Variants in PPP1CA observed in about 807,000 individuals in gnomAD.
PPP1CA encodes the protein protein phosphatase 1 catalytic subunit alpha.
A neutral mutation model predicts 38.5 loss-of-function variants in PPP1CA; 14 were observed. The observed-to-expected ratio is 0.36, with a 90% CI of 0.24 to 0.57. PPP1CA has a LOEUF of 0.57. Ranked by LOEUF, PPP1CA falls within the 20% of genes least tolerant of loss-of-function variation. The probability of loss-of-function intolerance (pLI) is 0.80; values close to 1 mark genes in which losing one functional copy is unlikely to be tolerated. For synonymous variants in PPP1CA, 200 were observed against 177.3 expected, an observed-to-expected ratio of 1.13 and a Z score of -1.02; for missense variants, 277 against 435.2, an observed-to-expected ratio of 0.64 and a Z score of 3.23.
Position 67,401,149 on chromosome 11 carries a change from G to A in PPP1CA, c.106C>T (p.Arg36Cys), listed in dbSNP as rs1198051383. ...KNVQLTENEI[R>C]GLCLKSREIF... Reference sequence around the variant, plus strand: ...TCCCGGGATTTCAGGCACAGACCGCGGATCTCGTTCTCTGTCAGCTGTACA... The same window carrying A: ...TCCCGGGATTTCAGGCACAGACCGCAGATCTCGTTCTCTGTCAGCTGTACA... The change falls in exon 2 of 7, where the codon CGC becomes TGC. Residue 36 changes from arginine (R) to cysteine (C), a missense_variant. Arg to Cys is a radical substitution (Grantham distance 180). Around this residue, in one of 3 missense-constraint regions of PPP1CA, gnomAD observed 180 missense variants for 356.7 expected, o/e 0.50. Coordinates refer to ENST00000376745, the MANE Select transcript of PPP1CA (RefSeq NM_002708.4). The A allele has an allele frequency of 4.3e-6, 7 of 1,613,876 alleles. No individual in the cohort carries two copies. The highest frequency in any genetic ancestry group is 3.3e-5 in the Admixed American group (2 of 60,014).
In PPP1CA at chr11:67,401,748, A is replaced by G. The variant is rs1862896583; in HGVS notation, c.35T>C (p.Ile12Thr). The G allele has an allele frequency of 6.8e-7, 1 of 1,478,474 alleles. No homozygotes were observed. The highest frequency in any genetic ancestry group is 2.9e-5 in the East Asian group (1 of 34,832). The allele number at this position is 1,478,474 out of a possible 1,614,324, so 91.6% of individuals were successfully genotyped here. A position where few individuals can be genotyped will look rare whatever the true frequency, so the allele number is the denominator to read the frequency against. ...CCAACCTTCCAGCAGGCGCCCGATG[A>G]TCGAGTCCAGGTTGAGCTTCTCGCT... Reference protein sequence around the residue: ...SDSEKLNLDSIIGRLLEVQGS... With the variant: ...SDSEKLNLDSTIGRLLEVQGS... Residue 12 changes from isoleucine (I) to threonine (T), a missense_variant, in exon 1 of 7, where the codon ATC (isoleucine) becomes ACC (threonine). Coordinates refer to ENST00000376745, the MANE Select transcript of PPP1CA (RefSeq NM_002708.4).
chr11:67,401,334 G>C lies in PPP1CA; in HGVS notation c.56-135C>G, dbSNP rs1026001105. On this transcript the variant is annotated intron_variant, in intron 1 of 6. Transcript: ENST00000376745. ...TTGCCCACAGGCAGCTGTTGCTGCT[G>C]AGCCTCCCGGGACCGCGGCCTCAAG... The C allele has an allele frequency of 2.1e-6, 3 of 1,456,604 alleles. No homozygotes were observed. In the African/African-American group the frequency reaches 4.2e-5, roughly 20 times the overall value. The allele number at this position is 1,456,604 out of a possible 1,614,324, so 90.2% of individuals were successfully genotyped here.
At position 67,398,961 on chromosome 11, in the gene PPP1CA, G is replaced by A; in HGVS notation, c.726C>T (p.Asp242=). 2.5e-6 allele frequency: 4 copies of A among 1,613,328 alleles called. No individual in the cohort carries two copies. Among genetic ancestry groups the A allele is most frequent in the South Asian group, 2.2e-5 (2 of 91,084 alleles). The change falls in exon 5 of 7, where the codon GAC becomes GAT. Residue 242 remains aspartate (D), a synonymous_variant. Transcript: ENST00000376745. ...CCACCTGGTGTGCTCGGCAGATGAG[G>A]TCCAAGTCGTGCTTGTGGAGGAACT... is the stretch of plus-strand genomic sequence containing the variant. ...VAKFLHKHDL[D]LICRAHQVVE...
At chr11:67,400,417 C>G (rs970262899) in intron 3 of PPP1CA, among the ~76,000 whole-genome samples, 1 of 152,230 alleles carries the variant, frequency 6.6e-6, no homozygotes, top group Non-Finnish European at 1.5e-5. Context: ...TGCAAACATC[C>G]TAAGTGCTTA....
chr11:67,400,574 T>A, intron 3 of PPP1CA, 115 bp downstream of exon 3: 1 of 1,061,928 alleles, frequency 9.4e-7, no homozygotes, highest in Non-Finnish European at 1.4e-6. Flanking sequence ...CCCGCCTTCG[T>A]GGAGCGCACA....
At chr11:67,400,405 T>C (rs980484247) in intron 3 of PPP1CA, among the ~76,000 whole-genome samples, 3 of 152,166 alleles carry the variant, frequency 2.0e-5, no homozygotes, top group African/African-American at 7.2e-5. Flanking sequence ...GCAGAGCCCA[T>C]CTGCAAACAT....
In PPP1CA at chr11:67,399,000, G is replaced by A. The variant is rs1040305604; in HGVS notation, c.687C>T (p.Ala229=). ...NDRGVSFTFG[A]EVVAKFLHKH... ...TGTGGAGGAACTTGGCCACCACCTC[G>A]GCTCCAAAGGTAAAAGAGACGCCAC... The change falls in exon 5 of 7, where the codon GCC becomes GCT. Residue 229 remains alanine, a synonymous_variant. Coordinates refer to ENST00000376745, the MANE Select transcript of PPP1CA (RefSeq NM_002708.4). 1.8e-5 allele frequency: 29 copies of A among 1,613,304 alleles called. No homozygotes were observed. The Admixed American group carries it at 2.5e-4, about 14-fold the overall frequency.
At chr11:67,401,411 G>T in intron 1 of PPP1CA, 1 of 794,790 alleles carries the variant, frequency 1.3e-6, no homozygotes, top group Non-Finnish European at 1.9e-6. Context: ...GGCGACTGTC[G>T]TGCGCAGGGG....
rs771504128 is a variant in PPP1CA at position 67,399,115 on chromosome 11, C to T, written c.572G>A (p.Arg191Gln). ...GCCCTGGTCAGGCACATCTGTGGGC[C>T]GCATGATCCGCCGAATCTGCTCCAT... ...QSMEQIRRIM[R>Q]PTDVPDQGLL... Residue 191 changes from arginine (R) to glutamine (Q), a missense_variant, in exon 5 of 7, where the codon CGG (arginine) becomes CAG (glutamine). By Grantham distance (43) the Arg-to-Gln change is conservative (BLOSUM62 1). Transcript: ENST00000376745. 4 of 1,613,434 alleles carry T rather than the reference C, an allele frequency of 2.5e-6. No individual in the cohort carries two copies. Among genetic ancestry groups the T allele is most frequent in the Middle Eastern group, 1.6e-4 (1 of 6,084 alleles).
chr11:67,399,760 G>C, intron 3 of PPP1CA, 95 bp from the exon 4 acceptor site: 1 of 976,172 alleles, frequency 1.0e-6, no homozygotes, highest in Non-Finnish European at 1.6e-6. Flanking sequence ...AGAGAGTCAG[G>C]CACCGATGCA....
chr11:67,401,237 C>CA (rs1296155579), intron 1 of PPP1CA, 38 bp from the exon 2 acceptor site: 2 of 1,609,236 alleles, frequency 1.2e-6, no homozygotes, highest in South Asian at 2.2e-5. Context: ...TGGACCCTGA[C>CA]AGGAGGAGGG....
Position 67,398,467 on chromosome 11 carries a change from C to G in PPP1CA, c.*68G>C, listed in dbSNP as rs17883712. 98 of 1,516,182 alleles carry G rather than the reference C, an allele frequency of 6.5e-5. No individual in the cohort carries two copies. In the African/African-American group the frequency reaches 1.1e-3, roughly 17 times the overall value. 93.9% of individuals were successfully genotyped at this position (1,516,182 alleles called of 1,614,324 possible). On this transcript the variant is annotated 3_prime_UTR_variant, in exon 7 of 7. Transcript: ENST00000376745. ...GGCCTGAGGGGTCGGGGTGACCCCC[C>G]CCCAGCATGGCAGCATGATTTCTGT...
In PPP1CA at chr11:67,398,917, G is replaced by A. The variant is rs200814403; in HGVS notation, c.747+23C>T. The A allele has an allele frequency of 4.3e-5, 69 of 1,612,212 alleles. No individual in the cohort carries two copies. In the African/African-American group the frequency reaches 5.2e-4, roughly 12 times the overall value. ...GGCACGGCCCTCCCCTTCCCCTGCC[G>A]CAGGCCGGAGCCACCAGCCCACCTG... On this transcript the variant is annotated intron_variant, in intron 5 of 6. Transcript: ENST00000376745.
At position 67,399,166 on chromosome 11, in the gene PPP1CA, G is replaced by A. The variant is rs775237158; in HGVS notation, c.524-3C>T. 1 of 1,610,368 alleles carries A rather than the reference G, an allele frequency of 6.2e-7. No individual in the cohort carries two copies. The highest frequency in any genetic ancestry group is 1.3e-5 in the African/African-American group (1 of 74,978). On this transcript the variant is annotated splice_polypyrimidine_tract_variant and splice_region_variant and intron_variant, in intron 4 of 6. Coordinates refer to ENST00000376745, the MANE Select transcript of PPP1CA (RefSeq NM_002708.4). ...AGACTGCAGGTCCGGGGACAGGCCT[G>A]GGGGGCCGGGGGAAGGTCACTTCCT...
At chr11:67,400,222 C>T (rs960516625) in intron 3 of PPP1CA, among the ~76,000 whole-genome samples, 1 of 152,228 alleles carries the variant, frequency 6.6e-6, no homozygotes, top group African/African-American at 2.4e-5. Context: ...CTTGGAGCTT[C>T]TGGGTCCAAG....
chr11:67,401,012 C>T (rs1378201863), intron 2 of PPP1CA, 56 bp downstream of exon 2: 3 of 1,610,144 alleles, frequency 1.9e-6, no homozygotes, highest in African/African-American at 1.3e-5. Flanking sequence ...TCCAGGAACT[C>T]TGTGGGGTCC....
Position 67,399,111 on chromosome 11 carries a change from G to A in PPP1CA, c.576C>T (p.Pro192=). 6.2e-7 allele frequency: 1 copy of A among 1,613,588 alleles called. No individual in the cohort carries two copies. Among genetic ancestry groups the A allele is most frequent in the Non-Finnish European group, 8.5e-7 (1 of 1,180,018 alleles). The change falls in exon 5 of 7, where the codon CCC becomes CCT. Residue 192 remains proline (P), a synonymous_variant. Coordinates refer to ENST00000376745, the MANE Select transcript of PPP1CA (RefSeq NM_002708.4). ...GCAGGCCCTGGTCAGGCACATCTGT[G>A]GGCCGCATGATCCGCCGAATCTGCT... The part of the protein sequence containing the change: ...SMEQIRRIMR[P]TDVPDQGLLC...
Position 67,398,270 on chromosome 11 carries a change from A to AC in PPP1CA, c.*264dup. 1 of 501,850 alleles carries AC rather than the reference A, an allele frequency of 2.0e-6. No homozygotes were observed. The highest frequency in any genetic ancestry group is 5.4e-4 in the Middle Eastern group (1 of 1,846). 31.1% of individuals were successfully genotyped at this position (501,850 alleles called of 1,614,324 possible). On this transcript the variant is annotated 3_prime_UTR_variant, in exon 7 of 7. Coordinates refer to ENST00000376745, the MANE Select transcript of PPP1CA (RefSeq NM_002708.4). ...GCCCTGAGGCCAAGCACGGCTGGAG[A>AC]CCCACGACCTGGCCTGCCGTTGCCC... is the stretch of plus-strand genomic sequence containing the variant.
chr11:67,401,549 C>A (rs1862890879), intron 1 of PPP1CA, 179 bp downstream of exon 1: 2 of 551,482 alleles, frequency 3.6e-6, no homozygotes, highest in Admixed American at 3.7e-5. Context: ...CTGCTCCGCG[C>A]GTCGGAGCTG....
Sources: allele counts gnomAD v4.1 joint callset (sites outside exome capture counted in the v4.1 genomes callset), GRCh38; gene constraint gnomAD v4.1.1; regional missense constraint gnomAD v4.1.1; transcripts MANE v1.5; gene names NCBI Gene and HGNC (gene_info 2026-07-23, HGNC 2026-07-21).